RFX3: variants seen among roughly 807,000 people sequenced by gnomAD.
RFX3 encodes transcription factor RFX3.
In RFX3, 14 loss-of-function variants were observed where a neutral mutation model predicts 98.6. The ratio of observed to expected loss-of-function variants is 0.14; its 90% CI spans 0.09 to 0.22. The LOEUF is 0.22. Ranked by LOEUF, RFX3 falls within the 10% of genes least tolerant of loss-of-function variation. The pLI is 1.00. For synonymous variants in RFX3, 383 were observed against 328.4 expected (o/e 1.17, Z -1.80); for missense variants, 639 against 926.9 (o/e 0.69, Z 4.03).
At chr9:3,416,947 C>T (rs1045381253) in intron 1 of RFX3, among the ~76,000 whole-genome samples, 4 of 151,770 alleles carry the variant, frequency 2.6e-5, no homozygotes, top group Non-Finnish European at 4.4e-5. Flanking sequence ...GATTGTCAAA[C>T]CTTATAAAAA....
intron 9 of RFX3, 85 bp downstream of exon 9, chr9:3,275,415 T>G (rs773121330): frequency 3.1e-5 from 23 of 750,390 alleles, no homozygotes; most frequent in Non-Finnish European, 4.9e-5. Flanking sequence ...TCACCTGTCC[T>G]TTAGGAATAA....
intron 1 of RFX3, among the ~76,000 whole-genome samples, chr9:3,397,443 C>T (rs1463362603): frequency 6.6e-6 from 1 of 152,136 alleles, no homozygotes; most frequent in Non-Finnish European, 1.5e-5. Flanking sequence ...AGAAAATTAA[C>T]CCCTCTTGGC....
intron 1 of RFX3, among the ~76,000 whole-genome samples, chr9:3,410,161 C>CTCTGTGTG (rs1554698458): frequency 7.9e-5 from 9 of 114,054 alleles, no homozygotes; most frequent in Non-Finnish European, 1.1e-4. Flanking sequence ...GTGAGATAAA[C>CTCTGTGTG]TGTGTGTGTG....
chr9:3,225,253 A>G lies in RFX3; in HGVS notation c.2039T>C (p.Met680Thr). Residue 680 changes from methionine (M) to threonine (T), a missense_variant, in exon 17 of 17, where the codon ATG becomes ACG. Transcript: ENST00000617270. Reference sequence around the variant, plus strand: ...TGAAGAGTCATCCAGTTCTTCATCCATTTCACTTTCTACTTCACTGCCTTC... The same window carrying G: ...TGAAGAGTCATCCAGTTCTTCATCCGTTTCACTTTCTACTTCACTGCCTTC... ...KDEGSEVESE[M>T]DEELDDSSEP... The G allele has an allele frequency of 1.2e-6, 2 of 1,613,754 alleles. No homozygotes were observed. Among genetic ancestry groups the G allele is most frequent in the South Asian group, 1.1e-5 (1 of 91,086 alleles).
chr9:3,406,972 C>T (rs915322094), intron 1 of RFX3, among the ~76,000 whole-genome samples: 1 of 152,160 alleles, frequency 6.6e-6, no homozygotes, highest in Non-Finnish European at 1.5e-5. Flanking sequence ...ATATCATTTA[C>T]TGTGTTTTAA....
At chr9:3,398,707 G>A (rs1841154748) in intron 1 of RFX3, among the ~76,000 whole-genome samples, 1 of 151,972 alleles carries the variant, frequency 6.6e-6, no homozygotes, top group African/African-American at 2.4e-5. Flanking sequence ...ATGTTCCAGA[G>A]TCTAACTTGT....
intron 1 of RFX3, among the ~76,000 whole-genome samples, chr9:3,439,311 T>C (rs1030629078): frequency 2.6e-5 from 4 of 151,750 alleles, no homozygotes; most frequent in Non-Finnish European, 5.9e-5. Context: ...AGAGAGAAAG[T>C]AAGGATCATG....
In RFX3 at chr9:3,317,713, T is replaced by C. The variant is rs540010386; in HGVS notation, c.474+12546A>G. Among the ~76,000 whole-genome samples the C allele has an allele frequency of 1.1e-4, 17 of 152,250 alleles. No individual in the cohort carries two copies. The South Asian group carries it at 3.1e-3, about 28-fold the overall frequency. ...ACCCCATCAAAAAGTGGGCAAAGGATATGAACAGACACTTCTCAAAAGAAG... is the reference window on the plus strand; with the variant it reads ...ACCCCATCAAAAAGTGGGCAAAGGACATGAACAGACACTTCTCAAAAGAAG... On this transcript the variant is annotated intron_variant, in intron 4 of 16. Coordinates refer to ENST00000617270, the MANE Select transcript of RFX3 (RefSeq NM_001282116.2).
intron 13 of RFX3, among the ~76,000 whole-genome samples, chr9:3,262,418 A>C (rs765606543): frequency 6.6e-5 from 10 of 152,360 alleles, no homozygotes; most frequent in South Asian, 2.1e-4. Context: ...TCAAGTGAAT[A>C]AATATTTACT....
At chr9:3,344,177 A>G (rs575283653) in intron 3 of RFX3, among the ~76,000 whole-genome samples, 1 of 152,316 alleles carries the variant, frequency 6.6e-6, no homozygotes, top group South Asian at 2.1e-4. Context: ...TAATGAGTGC[A>G]TAATTTTACA....
intron 2 of RFX3, among the ~76,000 whole-genome samples, chr9:3,373,468 G>A (rs1838085170): frequency 1.3e-5 from 2 of 152,152 alleles, no homozygotes; most frequent in African/African-American, 2.4e-5. Context: ...TAAGAAAACT[G>A]TTAAATAGAG....
At position 3,385,699 on chromosome 9, in the gene RFX3, AAAAAAG is replaced by A. The variant is rs1223401920; in HGVS notation, c.117+9767_117+9772del. Among the ~76,000 whole-genome samples the A allele has an allele frequency of 4.9e-4, 72 of 145,940 alleles. No homozygotes were observed. The East Asian group carries it at 8.0e-3, about 16-fold the overall frequency. On this transcript the variant is annotated intron_variant, in intron 2 of 16. Transcript: ENST00000617270. ...CTCCAGCCTGTCTTAAAAAAAAAAA[AAAAAAG>A]AAAAGAAAAGAAAAGAAAAGAAAAC...
At chr9:3,506,418 A>T (rs1364200671) in intron 1 of RFX3, among the ~76,000 whole-genome samples, 1 of 151,828 alleles carries the variant, frequency 6.6e-6, no homozygotes, top group Non-Finnish European at 1.5e-5. Flanking sequence ...TTGACATCCC[A>T]GCAGGCACAG....
intron 4 of RFX3, among the ~76,000 whole-genome samples, chr9:3,303,658 A>G (rs979230044): frequency 6.6e-6 from 1 of 151,808 alleles, no homozygotes; most frequent in Non-Finnish European, 1.5e-5. Flanking sequence ...AAAAAAAAAA[A>G]AGTCAGAGAT....
At chr9:3,402,748 T>C (rs1353258513) in intron 1 of RFX3, among the ~76,000 whole-genome samples, 3 of 151,836 alleles carry the variant, frequency 2.0e-5, no homozygotes, top group African/African-American at 7.2e-5. Context: ...AATAGTAGCA[T>C]ATATAGTGTC....
chr9:3,322,052 G>C (rs1239711481), intron 4 of RFX3, among the ~76,000 whole-genome samples: 1 of 151,752 alleles, frequency 6.6e-6, no homozygotes, highest in Non-Finnish European at 1.5e-5. Context: ...ATATCTGATA[G>C]GTTGTTTCCC....
At chr9:3,308,959 C>T (rs1042359459) in intron 4 of RFX3, among the ~76,000 whole-genome samples, 3 of 151,970 alleles carry the variant, frequency 2.0e-5, no homozygotes, top group East Asian at 1.9e-4. Context: ...TTGGGCAAGA[C>T]GATCTCCACA....
intron 1 of RFX3, among the ~76,000 whole-genome samples, chr9:3,485,528 T>C (rs1850186775): frequency 6.6e-6 from 1 of 152,202 alleles, no homozygotes; most frequent in Non-Finnish European, 1.5e-5. Context: ...CATTCTAACA[T>C]TGTTGACTAA....
At chr9:3,288,280 C>G (rs1402523945) in intron 6 of RFX3, 30 bp from the exon 7 acceptor site, 1 of 1,605,762 alleles carries the variant, frequency 6.2e-7, no homozygotes, top group South Asian at 1.1e-5. Context: ...ACATTAGAAA[C>G]AAAAGTCAGT....
Sources: allele counts gnomAD v4.1 joint callset (sites outside exome capture counted in the v4.1 genomes callset), GRCh38; gene constraint gnomAD v4.1.1; transcripts MANE v1.5; gene names NCBI Gene and HGNC (gene_info 2026-07-23, HGNC 2026-07-21).